The following LRRC37A2 variants were observed in gnomAD, a reference collection of about 807,000 sequenced individuals.
The protein encoded by LRRC37A2 is leucine-rich repeat-containing protein 37A2.
LRRC37A2 carries 9 observed loss-of-function variants against 68.8 expected under a neutral mutation model. The ratio of observed to expected loss-of-function variants is 0.13; its 90% CI spans 0.08 to 0.23. LRRC37A2 has a LOEUF of 0.23. Ranked by LOEUF, LRRC37A2 falls within the 10% of genes least tolerant of loss-of-function variation. LRRC37A2 has a pLI of 1.00. For synonymous variants in LRRC37A2, 63 were observed against 367.6 expected, an observed-to-expected ratio of 0.17 and a Z score of 9.48; for missense variants, 168 against 950.4, an observed-to-expected ratio of 0.18 and a Z score of 10.82.
At chr17:46,983,289 C>CTTTTTT in the LRRC37A2 span, among the ~76,000 whole-genome samples, 13 of 76,862 alleles carry the variant, frequency 1.7e-4, no homozygotes, top group South Asian at 5.0e-4. Flanking sequence ...GCCCTTTCTT[C>CTTTTTT]TTTTTTTTTT....
the LRRC37A2 span, among the ~76,000 whole-genome samples, chr17:46,736,146 T>A: frequency 6.6e-6 from 1 of 152,180 alleles, no homozygotes; most frequent in African/African-American, 2.4e-5. Flanking sequence ...TCTCATTCAC[T>A]GAAATTTAGA....
the LRRC37A2 span, among the ~76,000 whole-genome samples, chr17:46,829,288 C>T: frequency 6.6e-6 from 1 of 152,154 alleles, no homozygotes; most frequent in African/African-American, 2.4e-5. Flanking sequence ...CTGCCTCAGC[C>T]TCCCCAGTAG....
the LRRC37A2 span, among the ~76,000 whole-genome samples, chr17:46,951,593 G>T: frequency 6.6e-6 from 1 of 152,094 alleles, no homozygotes; most frequent in Non-Finnish European, 1.5e-5. Context: ...ACTTTCTTTT[G>T]CCCCCATGTT....
At chr17:46,931,766 A>G in the LRRC37A2 span, 12 of 477,746 alleles carry the variant, frequency 2.5e-5, no homozygotes, top group Admixed American at 1.3e-4. Flanking sequence ...TAGAAGGTCA[A>G]GAAGAGGTCA....
At chr17:46,923,179 G>A in the LRRC37A2 span, 5 of 1,530,554 alleles carry the variant, frequency 3.3e-6, no homozygotes, top group African/African-American at 2.8e-5. Context: ...GCCGTGGCCT[G>A]CGGGGCCGGC....
chr17:46,786,941 CTTT>C, the LRRC37A2 span, among the ~76,000 whole-genome samples: 3 of 142,612 alleles, frequency 2.1e-5, no homozygotes, highest in Non-Finnish European at 3.1e-5. Context: ...TTTCTTTTTT[CTTT>C]TTTTTTTTTT....
chr17:46,838,809 G>T, the LRRC37A2 span, among the ~76,000 whole-genome samples: 1 of 152,048 alleles, frequency 6.6e-6, no homozygotes, highest in Non-Finnish European at 1.5e-5. Context: ...TGGCATAGAG[G>T]CCTGTGCACA....
At chr17:46,840,730 AT>A in the LRRC37A2 span, among the ~76,000 whole-genome samples, 2 of 152,064 alleles carry the variant, frequency 1.3e-5, no homozygotes, top group African/African-American at 4.8e-5. Flanking sequence ...TGTGGTTTTG[AT>A]TTGCATTTCT....
At chr17:46,783,421 C>G in the LRRC37A2 span, among the ~76,000 whole-genome samples, 1 of 152,214 alleles carries the variant, frequency 6.6e-6, no homozygotes, top group African/African-American at 2.4e-5. Context: ...AGTGATGACT[C>G]TCAGCCTGGC....
chr17:46,764,217 G>A, the LRRC37A2 span: 1 of 152,720 alleles, frequency 6.5e-6, no homozygotes, highest in Admixed American at 6.5e-5. Flanking sequence ...AGAAGCAGCA[G>A]TTTGGAAACA....
the LRRC37A2 span, among the ~76,000 whole-genome samples, chr17:46,801,169 A>G: frequency 1.3e-5 from 2 of 152,176 alleles, no homozygotes; most frequent in East Asian, 3.8e-4. Context: ...AAAAGGCAGA[A>G]CCATCTAGAG....
the LRRC37A2 span, chr17:46,768,794 G>T: frequency 6.2e-7 from 1 of 1,613,420 alleles, no homozygotes. This position sits in a 1 kb window ranked among gnomAD's most constrained non-coding sequence, Gnocchi z 5.0. Context: ...TGTGGTCCAG[G>T]ATAGTCTGGG....
At chr17:46,836,576 A>C in the LRRC37A2 span, among the ~76,000 whole-genome samples, 1 of 152,254 alleles carries the variant, frequency 6.6e-6, no homozygotes, top group Non-Finnish European at 1.5e-5. Context: ...TTTCTGAAGC[A>C]GTTGGGAGAA....
At chr17:46,997,290 T>C in the LRRC37A2 span, among the ~76,000 whole-genome samples, 1 of 152,040 alleles carries the variant, frequency 6.6e-6, no homozygotes, top group South Asian at 2.1e-4. Context: ...AGGCGGAGGT[T>C]GCAGTGAGTC....
At chr17:46,901,939 T>C in the LRRC37A2 span, among the ~76,000 whole-genome samples, 24,055 of 151,864 alleles carry the variant, frequency 0.16, 4,327 homozygotes, top group African/African-American at 0.45. Context: ...TACCGAGTAG[T>C]TGGGATTACA....
chr17:46,708,348 A>G, the LRRC37A2 span, among the ~76,000 whole-genome samples: 1 of 152,166 alleles, frequency 6.6e-6, no homozygotes, highest in Non-Finnish European at 1.5e-5. Flanking sequence ...CATGCTCACC[A>G]ACAAATTATT....
chr17:46,754,148 TC>T, the LRRC37A2 span, among the ~76,000 whole-genome samples: 1 of 90,602 alleles, frequency 1.1e-5, no homozygotes, highest in South Asian at 5.1e-4. Flanking sequence ...TCCAGCCAGT[TC>T]TTTTTTTTTT....
chr17:46,900,202 T>TATATATATATATAC, the LRRC37A2 span, among the ~76,000 whole-genome samples: 1 of 101,170 alleles, frequency 9.9e-6, no homozygotes, highest in South Asian at 2.9e-4. Context: ...TATATATATA[T>TATATATATATATAC]ACACACACAC....
intron 6 of LRRC37A2, among the ~76,000 whole-genome samples, chr17:46,534,739 G>T (rs1041416179): frequency 1.3e-5 from 2 of 150,092 alleles, no homozygotes; most frequent in African/African-American, 5.0e-5. Context: ...TGGCGGCCGG[G>T]CAGAGGGGCT....
Sources: gnomAD v4.1 joint callset for allele counts (sites outside exome capture counted in the v4.1 genomes callset) on GRCh38, gnomAD v4.1.1 for gene constraint, Gnocchi (gnomAD v3.1) non-coding constraint, MANE v1.5 for transcripts, NCBI Gene and HGNC (gene_info 2026-07-23, HGNC 2026-07-21) for gene names.